NCAM2: variants seen among roughly 807,000 people sequenced by gnomAD.
NCAM2 encodes N-CAM-2.
In NCAM2, 30 loss-of-function variants were observed where a neutral mutation model predicts 98.1. The ratio of observed to expected loss-of-function variants is 0.31; its 90% CI spans 0.23 to 0.41. NCAM2 has a LOEUF of 0.41. Ranked by LOEUF, NCAM2 falls within the 10% of genes least tolerant of loss-of-function variation. NCAM2 has a pLI of 1.00. For missense variants in NCAM2, 867 were observed against 1,005.8 expected (o/e 0.86, Z 1.87); for synonymous variants, 368 against 342.4 (o/e 1.07, Z -0.83).
chr21:21,442,641 A>C (rs232416), intron 12 of NCAM2, among the ~76,000 whole-genome samples: 4,440 of 152,246 alleles, frequency 0.029, 209 homozygotes, highest in African/African-American at 0.1. Context: ...GATATTGTGA[A>C]GTCAACAGAG....
rs550050585 is a variant in NCAM2 at position 21,212,767 on chromosome 21, G to C, written c.56-67811G>C. On this transcript the variant is annotated intron_variant, in intron 1 of 17. Transcript: ENST00000400546. ...CTTTTTTTTTTTTTTTTTTGAAGTG[G>C]AGTCTTGCTCTGTCGCCCAGGCTGG... Among the ~76,000 whole-genome samples the C allele has an allele frequency of 2.1e-5, 3 of 144,326 alleles. No homozygotes were observed. In the East Asian group the frequency reaches 6.0e-4, roughly 29 times the overall value. The allele number at this position is 144,326 out of a possible 152,430, so 94.7% of individuals were successfully genotyped here.
chr21:21,248,269 A>C (rs971927545), intron 1 of NCAM2, among the ~76,000 whole-genome samples: 1 of 152,282 alleles, frequency 6.6e-6, no homozygotes, highest in South Asian at 2.1e-4. Context: ...TATAAAAGTA[A>C]CCCGAATTAT....
rs1270650641 is a variant in NCAM2 at position 21,522,662 on chromosome 21, A to G, written c.2283-11875A>G. ...TTTTTTTTTTTTGAGACAGAGTTTT[A>G]CTCTGTTGCCCGGTCTGGAGTGCAG... On this transcript the variant is annotated intron_variant, in intron 16 of 17. Coordinates refer to ENST00000400546, the MANE Select transcript of NCAM2 (RefSeq NM_004540.5). Among the ~76,000 whole-genome samples, 4 of 68,020 alleles carry G rather than the reference A, an allele frequency of 5.9e-5. No individual in the cohort carries two copies. The Admixed American group carries it at 7.5e-4, about 13-fold the overall frequency. The allele number at this position is 68,020 out of a possible 152,430, so 44.6% of individuals were successfully genotyped here.
intron 16 of NCAM2, among the ~76,000 whole-genome samples, chr21:21,510,953 C>G (rs1602529911): frequency 6.6e-6 from 1 of 151,982 alleles, no homozygotes; most frequent in Non-Finnish European, 1.5e-5. Flanking sequence ...AATATCCTGA[C>G]TTCATAGCAC....
At chr21:21,291,828 A>C (rs2073307088) in intron 4 of NCAM2, among the ~76,000 whole-genome samples, 2 of 151,820 alleles carry the variant, frequency 1.3e-5, no homozygotes, top group African/African-American at 2.4e-5. Flanking sequence ...CAAAGTACCA[A>C]GGGGAAATAA....
At chr21:21,036,717 C>A (rs1354914488) in intron 1 of NCAM2, among the ~76,000 whole-genome samples, 1 of 152,022 alleles carries the variant, frequency 6.6e-6, no homozygotes, top group East Asian at 1.9e-4. Flanking sequence ...AGGTGGGTGG[C>A]ATCATAGGTT....
intron 16 of NCAM2, 60 bp downstream of exon 16, chr21:21,509,115 G>A (rs1235818225): frequency 2.6e-6 from 4 of 1,566,124 alleles, no homozygotes; most frequent in African/African-American, 1.4e-5. Flanking sequence ...AAGCTCGAGT[G>A]CTTTACCTGA....
At chr21:21,177,256 A>G (rs2068324433) in intron 1 of NCAM2, among the ~76,000 whole-genome samples, 1 of 152,032 alleles carries the variant, frequency 6.6e-6, no homozygotes, top group Non-Finnish European at 1.5e-5. Context: ...AATCAGTGTT[A>G]AACCCTGTTT....
In NCAM2 at chr21:21,053,105, G is replaced by T. The variant is rs146768518; in HGVS notation, c.55+54487G>T. ...TTAATTGCTGGTATTTCATTGTGAA[G>T]ATATTAAATAGTTATTATAATTCTA... On this transcript the variant is annotated intron_variant, in intron 1 of 17. Coordinates refer to ENST00000400546, the MANE Select transcript of NCAM2 (RefSeq NM_004540.5). 4.5e-3 allele frequency among the ~76,000 whole-genome samples: 690 copies of T among 151,850 alleles called. 3 individuals are homozygous for T. The highest frequency in any genetic ancestry group is 0.015 in the African/African-American group (632 of 41,428).
chr21:21,528,907 A>T (rs950179105), intron 16 of NCAM2, among the ~76,000 whole-genome samples: 8 of 152,152 alleles, frequency 5.3e-5, no homozygotes, highest in Admixed American at 5.2e-4. Context: ...TATAACTTCA[A>T]ATATTCCAGA....
At chr21:21,340,687 A>G (rs1197210081) in intron 8 of NCAM2, among the ~76,000 whole-genome samples, 1 of 151,960 alleles carries the variant, frequency 6.6e-6, no homozygotes, top group African/African-American at 2.4e-5. Flanking sequence ...TCTATACTCC[A>G]GTACACTTCT....
rs1473000575 is a variant in NCAM2, at chr21:21,193,479, A to C, written c.56-87099A>C. Among the ~76,000 whole-genome samples the C allele has an allele frequency of 3.7e-4, 55 of 148,178 alleles. No homozygotes were observed. The Admixed American group carries it at 3.7e-3, about 10-fold the overall frequency. On this transcript the variant is annotated intron_variant, in intron 1 of 17. Transcript: ENST00000400546. ...GTTGACAATAATGTGAGAATATAGG[A>C]GTAGTACTTTTCCTTTTTTTTTTTT...
In NCAM2 at chr21:21,451,213, G is replaced by T. The variant is rs575144041; in HGVS notation, c.1655-15393G>T. ...CCATATCATTTGAGGTGAATAAATG[G>T]ATTATCTAATTACTGTTTGTTTACA... On this transcript the variant is annotated intron_variant, in intron 12 of 17. Transcript: ENST00000400546. Among the ~76,000 whole-genome samples the T allele has an allele frequency of 3.3e-5, 5 of 152,100 alleles. No individual in the cohort carries two copies. The East Asian group carries it at 9.7e-4, about 29-fold the overall frequency.
intron 1 of NCAM2, among the ~76,000 whole-genome samples, chr21:21,233,980 T>C (rs2070725597): frequency 6.6e-6 from 1 of 151,814 alleles, no homozygotes; most frequent in Admixed American, 6.6e-5. Context: ...AGTAGGTATA[T>C]ACAGTACTCT....
rs28712678 is a variant in NCAM2, at chr21:21,144,087, C to A, written c.56-136491C>A. ...CCTTTTGGCTGGGCACGGTGACTCA[C>A]ACCTGTAATCCCAGCACTTTGGGAG... On this transcript the variant is annotated intron_variant, in intron 1 of 17. Transcript: ENST00000400546. 4.4e-3 allele frequency among the ~76,000 whole-genome samples: 665 copies of A among 152,170 alleles called. 7 individuals carry two copies. The highest frequency in any genetic ancestry group is 0.015 in the African/African-American group (636 of 41,516).
intron 15 of NCAM2, among the ~76,000 whole-genome samples, chr21:21,507,741 G>A (rs13048131): frequency 1.4e-5 from 2 of 142,008 alleles, no homozygotes; most frequent in African/African-American, 2.6e-5. Flanking sequence ...AGTGAGCCGA[G>A]ATCGCCCCAC....
Position 21,002,861 on chromosome 21 carries a change from A to G in NCAM2, c.55+4243A>G, listed in dbSNP as rs1033124972. ...ATTTTAAATTTATTGTTCCCTTTAT[A>G]CAATCCCAATTAAACTGAGGATAGG... is the stretch of plus-strand genomic sequence containing the variant. On this transcript the variant is annotated intron_variant, in intron 1 of 17. Transcript: ENST00000400546. Among the ~76,000 whole-genome samples the G allele has an allele frequency of 8.5e-5, 13 of 152,266 alleles. No homozygotes were observed. In the South Asian group the frequency reaches 1.7e-3, roughly 19 times the overall value.
In NCAM2 at chr21:21,420,487, T is replaced by A. The variant is rs1444347; in HGVS notation, c.1480+1918T>A. ...AAGTAATATCAGAAAATTATTGTAA[T>A]ATTATATTTTAACAGACTTAAAAGC... On this transcript the variant is annotated intron_variant, in intron 11 of 17. Transcript: ENST00000400546. Among the ~76,000 whole-genome samples the A allele has an allele frequency of 7.3e-3, 1,118 of 152,160 alleles. 14 individuals are homozygous for A. The highest frequency in any genetic ancestry group is 0.025 in the African/African-American group (1,039 of 41,570).
intron 1 of NCAM2, among the ~76,000 whole-genome samples, chr21:21,008,877 G>A (rs8134594): frequency 0.49 from 74,194 of 151,908 alleles, 18,613 homozygotes; most frequent in East Asian, 0.76. Flanking sequence ...GCTCATTACT[G>A]TGCACACCAG....
Sources: allele counts gnomAD v4.1 joint callset (sites outside exome capture counted in the v4.1 genomes callset), GRCh38; gene constraint gnomAD v4.1.1; transcripts MANE v1.5; gene names NCBI Gene and HGNC (gene_info 2026-07-23, HGNC 2026-07-21).